The following TRMT9B variants were observed in gnomAD, a reference collection of about 807,000 sequenced individuals.
TRMT9B encodes the protein probable tRNA methyltransferase 9B.
A neutral mutation model predicts 11.5 loss-of-function variants in TRMT9B; 16 were observed. The observed-to-expected ratio is 1.39, with a 90% CI of 0.94 to 2.11. TRMT9B has a LOEUF of 2.11. TRMT9B is among the 30% of genes most tolerant of loss of function. TRMT9B has a pLI of 0.00. For missense variants in TRMT9B, 941 were observed against 553.8 expected, an observed-to-expected ratio of 1.70 and a Z score of -7.02; for synonymous variants, 274 against 192.4, an observed-to-expected ratio of 1.42 and a Z score of -3.51.
At chr8:13,003,122 A>G (rs1809774557) in intron 2 of TRMT9B, among the ~76,000 whole-genome samples, 1 of 152,232 alleles carries the variant, frequency 6.6e-6, no homozygotes, top group African/African-American at 2.4e-5. Flanking sequence ...GTCTTCCAGC[A>G]GACTCTGCCA....
rs1371264163 is a variant in TRMT9B, at chr8:13,029,167, T to C, written c.*7123T>C. The stretch of plus-strand genomic sequence containing the variant: ...ATTAGCAATTACCATAGAAATGTAT[T>C]TCATTGAATAAATAGCTTTTGTTTG... On this transcript the variant is annotated 3_prime_UTR_variant, in exon 5 of 5. Transcript: ENST00000524591. The C allele has an allele frequency of 6.0e-6, 1 of 165,372 alleles. No homozygotes were observed. Among genetic ancestry groups the C allele is most frequent in the African/African-American group, 2.5e-5 (1 of 40,422 alleles). 10.2% of individuals were successfully genotyped at this position (165,372 alleles called of 1,614,324 possible). A position where few individuals can be genotyped will look rare whatever the true frequency, so the allele number is the denominator to read the frequency against.
chr8:12,986,345 G>A (rs796467283), intron 1 of TRMT9B, among the ~76,000 whole-genome samples: 13 of 152,244 alleles, frequency 8.5e-5, no homozygotes, highest in African/African-American at 3.1e-4. Context: ...CCACGTGTTT[G>A]TACAGTAGAC....
rs150408297 is a variant in TRMT9B, at chr8:13,001,325, C to T, written c.-1-4877C>T. ...TTCAACCTGGGTCCACTCAGTGAGGCGGGGATCCCTGGAAAGAGGAGGCAC... is the reference window on the plus strand; with the variant it reads ...TTCAACCTGGGTCCACTCAGTGAGGTGGGGATCCCTGGAAAGAGGAGGCAC... On this transcript the variant is annotated intron_variant, in intron 2 of 4. Coordinates refer to ENST00000524591, the MANE Select transcript of TRMT9B (RefSeq NM_020844.3). Among the ~76,000 whole-genome samples, 398 of 152,226 alleles carry T rather than the reference C, an allele frequency of 2.6e-3. 1 individual carries two copies. Among genetic ancestry groups the T allele is most frequent in the African/African-American group, 8.6e-3 (359 of 41,526 alleles).
chr8:12,963,147 C>T (rs1454311924), intron 1 of TRMT9B, among the ~76,000 whole-genome samples: 2 of 152,154 alleles, frequency 1.3e-5, no homozygotes, highest in Non-Finnish European at 2.9e-5. Flanking sequence ...ACCATGTATA[C>T]TGGCAGCTGG....
chr8:13,027,427 C>G lies in TRMT9B; in HGVS notation c.*5383C>G, dbSNP rs538770358. On this transcript the variant is annotated 3_prime_UTR_variant, in exon 5 of 5. Coordinates refer to ENST00000524591, the MANE Select transcript of TRMT9B (RefSeq NM_020844.3). Reference sequence around the variant, plus strand: ...ATCTAGCTTACCCTAGACGTATTAACATCCTATAGCGCACGTGTTCTGTGG... The same window carrying G: ...ATCTAGCTTACCCTAGACGTATTAAGATCCTATAGCGCACGTGTTCTGTGG... 41 of 167,210 alleles carry G rather than the reference C, an allele frequency of 2.5e-4. 1 individual carries two copies. Among genetic ancestry groups the G allele is most frequent in the African/African-American group, 9.9e-4 (41 of 41,568 alleles). The allele number at this position is 167,210 out of a possible 1,614,324, so 10.4% of individuals were successfully genotyped here.
chr8:12,969,230 A>C (rs958682219), intron 1 of TRMT9B, among the ~76,000 whole-genome samples: 3 of 152,014 alleles, frequency 2.0e-5, no homozygotes, highest in African/African-American at 7.3e-5. Context: ...AAACAAACAA[A>C]ATACTGAAAG....
chr8:12,985,557 G>A (rs541498959), intron 1 of TRMT9B, among the ~76,000 whole-genome samples: 2 of 152,134 alleles, frequency 1.3e-5, no homozygotes, highest in Admixed American at 6.6e-5. Context: ...CTCTTATTCT[G>A]TGTTACTCCT....
intron 1 of TRMT9B, among the ~76,000 whole-genome samples, chr8:12,981,465 G>C (rs779322466): frequency 2.0e-5 from 3 of 152,178 alleles, no homozygotes; most frequent in African/African-American, 7.2e-5. Flanking sequence ...GACACAGAGG[G>C]TGACTTTTAG....
chr8:12,964,105 C>T (rs1159861242), intron 1 of TRMT9B, among the ~76,000 whole-genome samples: 1 of 152,172 alleles, frequency 6.6e-6, no homozygotes, highest in East Asian at 1.9e-4. Flanking sequence ...GTTTTATGAT[C>T]AAGGTAGAAT....
At chr8:12,996,012 C>T (rs1360673154) in intron 2 of TRMT9B, among the ~76,000 whole-genome samples, 1 of 152,068 alleles carries the variant, frequency 6.6e-6, no homozygotes, top group Non-Finnish European at 1.5e-5. Flanking sequence ...GTAACAGTAA[C>T]CATGAAACAG....
intron 2 of TRMT9B, among the ~76,000 whole-genome samples, chr8:12,999,681 A>C (rs1809042451): frequency 6.6e-6 from 1 of 152,192 alleles, no homozygotes; most frequent in Non-Finnish European, 1.5e-5. Flanking sequence ...CTTGTTTCTT[A>C]TTTAGAAGTT....
At chr8:12,995,022 A>C (rs1309328981) in intron 2 of TRMT9B, among the ~76,000 whole-genome samples, 1 of 152,214 alleles carries the variant, frequency 6.6e-6, no homozygotes, top group East Asian at 1.9e-4. Context: ...TTCCAGGCTG[A>C]GTTCCAAGGC....
chr8:13,009,509 C>G lies in TRMT9B; in HGVS notation c.154+3153C>G, dbSNP rs549200167. 2.6e-5 allele frequency among the ~76,000 whole-genome samples: 4 copies of G among 152,252 alleles called. No homozygotes were observed. In the South Asian group the frequency reaches 8.3e-4, roughly 32 times the overall value. On this transcript the variant is annotated intron_variant, in intron 3 of 4. Coordinates refer to ENST00000524591, the MANE Select transcript of TRMT9B (RefSeq NM_020844.3). ...CTTCTCCCATCCCAGTCCCTGGCGCCAAGCAACCCACACCAGAGGCCTCTG... is the reference window on the plus strand; with the variant it reads ...CTTCTCCCATCCCAGTCCCTGGCGCGAAGCAACCCACACCAGAGGCCTCTG...
At chr8:12,985,386 A>G (rs541479403) in intron 1 of TRMT9B, among the ~76,000 whole-genome samples, 3 of 152,304 alleles carry the variant, frequency 2.0e-5, no homozygotes, top group African/African-American at 7.2e-5. Context: ...AGTTCTGTGT[A>G]GAGGAGAAAA....
At position 13,012,722 on chromosome 8, in the gene TRMT9B, G is replaced by C. The variant is rs1343153221; in HGVS notation, c.193G>C (p.Val65Leu). ...AAAATATCTTAAAGTGAACAGCCAG[G>C]TACATACCGTGGGCTGTGACTACTG... is the stretch of plus-strand genomic sequence containing the variant. ...TGKYLKVNSQVHTVGCDYCGP... is the reference protein window; with the variant it reads ...TGKYLKVNSQLHTVGCDYCGP... Residue 65 changes from valine (V) to leucine (L), a missense_variant, in exon 4 of 5, where the codon GTA (valine) becomes CTA (leucine). By Grantham distance (32) the Val-to-Leu change is conservative. Transcript: ENST00000524591. 6.8e-6 allele frequency: 11 copies of C among 1,613,848 alleles called. No homozygotes were observed. The highest frequency in any genetic ancestry group is 9.3e-6 in the Non-Finnish European group (11 of 1,179,878).
At chr8:12,983,874 G>T (rs1305659065) in intron 1 of TRMT9B, among the ~76,000 whole-genome samples, 8 of 152,076 alleles carry the variant, frequency 5.3e-5, no homozygotes, top group Non-Finnish European at 1.2e-4. Context: ...AGCTGACACA[G>T]GTATCTCATG....
At chr8:13,011,258 T>C in intron 3 of TRMT9B, 1 of 973,178 alleles carries the variant, frequency 1.0e-6, no homozygotes. Flanking sequence ...AGTGCTAGGA[T>C]TATAGGCATG....
chr8:12,952,577 C>A, intron 1 of TRMT9B: 1 of 429,562 alleles, frequency 2.3e-6, no homozygotes, highest in Non-Finnish European at 3.1e-6. Context: ...ATGGAGTGCA[C>A]GTGTATCTTT....
chr8:13,019,170 C>T (rs576245047), intron 4 of TRMT9B, among the ~76,000 whole-genome samples: 1 of 151,962 alleles, frequency 6.6e-6, no homozygotes, highest in African/African-American at 2.4e-5. Flanking sequence ...AATACAGAAT[C>T]CATGAATAAT....
Sources: allele counts gnomAD v4.1 joint callset (sites outside exome capture counted in the v4.1 genomes callset), GRCh38; gene constraint gnomAD v4.1.1; transcripts MANE v1.5; gene names NCBI Gene and HGNC (gene_info 2026-07-23, HGNC 2026-07-21).